Variants in TMEM161B observed in about 807,000 individuals in gnomAD.
TMEM161B encodes transmembrane protein 161B.
Under a neutral mutation model 61.8 loss-of-function variants are expected in TMEM161B, and 34 were observed. The ratio of observed to expected loss-of-function variants is 0.55; its 90% CI spans 0.42 to 0.73. TMEM161B has a LOEUF of 0.73. TMEM161B is among the 30% of genes least tolerant of loss of function. TMEM161B has a pLI of 0.00. For missense variants in TMEM161B, 456 were observed against 558.5 expected, an observed-to-expected ratio of 0.82 and a Z score of 1.85; for synonymous variants, 167 against 192.8, an observed-to-expected ratio of 0.87 and a Z score of 1.11.
intron 2 of TMEM161B, among the ~76,000 whole-genome samples, chr5:88,233,419 A>G (rs112414310): frequency 1.0e-3 from 155 of 152,318 alleles, no homozygotes; most frequent in African/African-American, 3.6e-3. Flanking sequence ...GAAAGAACAT[A>G]GGACATTACA....
At chr5:88,243,115 A>G (rs1753008026) in intron 1 of TMEM161B, among the ~76,000 whole-genome samples, 1 of 151,678 alleles carries the variant, frequency 6.6e-6, no homozygotes, top group Admixed American at 6.6e-5. Flanking sequence ...AGGTTCAGGG[A>G]TATGTGTGCA....
At chr5:88,187,004 G>C (rs1428335833), downstream of TMEM161B, among the ~76,000 whole-genome samples, 1 of 152,226 alleles carries the variant, frequency 6.6e-6, no homozygotes, top group African/African-American at 2.4e-5. Flanking sequence ...CTATGTTGTA[G>C]CTTTTACATT....
At chr5:88,236,219 T>C (rs1030313055) in intron 2 of TMEM161B, among the ~76,000 whole-genome samples, 6 of 151,926 alleles carry the variant, frequency 3.9e-5, no homozygotes, top group African/African-American at 1.5e-4. Flanking sequence ...ATATTTTCAG[T>C]GAGGGACTTA....
intron 1 of TMEM161B, among the ~76,000 whole-genome samples, chr5:88,247,062 T>C (rs1041160309): frequency 6.6e-6 from 1 of 151,948 alleles, no homozygotes; most frequent in African/African-American, 2.4e-5. Context: ...GTAACTTAGG[T>C]TTCAACCTTT....
downstream of TMEM161B, among the ~76,000 whole-genome samples, chr5:88,192,409 AAAAAT>A (rs1177858004): frequency 1.3e-5 from 2 of 152,170 alleles, no homozygotes; most frequent in African/African-American, 4.8e-5. Flanking sequence ...GGAACAAAAC[AAAAAT>A]ATGTGAAAAT....
chr5:88,240,215 C>T (rs183020322), intron 2 of TMEM161B, among the ~76,000 whole-genome samples: 69 of 151,906 alleles, frequency 4.5e-4, no homozygotes, highest in African/African-American at 1.6e-3. Flanking sequence ...CCCCTCCTTG[C>T]TAAATTAAAC....
At chr5:88,236,020 T>C (rs549344007) in intron 2 of TMEM161B, among the ~76,000 whole-genome samples, 24 of 152,184 alleles carry the variant, frequency 1.6e-4, no homozygotes, top group Non-Finnish European at 1.6e-4. Context: ...CCTTAGGTCA[T>C]AGGTCCCACC....
At chr5:88,257,089 T>C (rs1755079109) in intron 1 of TMEM161B, among the ~76,000 whole-genome samples, 1 of 152,054 alleles carries the variant, frequency 6.6e-6, no homozygotes, top group Admixed American at 6.6e-5. Context: ...GCCAACGTGG[T>C]GAAACCTCCT....
Position 88,203,032 on chromosome 5 carries a change from G to C in TMEM161B, c.844C>G (p.Leu282Val), listed in dbSNP as rs3097146. Reference sequence around the variant, plus strand: ...TTGGTGATTGGTTTTACCCAGAGCAGAACCATAAATAAAGGTGCCAAGAAG... The same window carrying C: ...TTGGTGATTGGTTTTACCCAGAGCACAACCATAAATAAAGGTGCCAAGAAG... ...INFLAPLFMV[L>V]LWVKPITKDY... Residue 282 changes from leucine to valine, a missense_variant, in exon 9 of 12, where the codon CTG becomes GTG. Physicochemically the swap from Leu to Val is conservative, Grantham distance 32. Transcript: ENST00000296595. 6.2e-7 allele frequency: 1 copy of C among 1,609,372 alleles called. No homozygotes were observed. The highest frequency in any genetic ancestry group is 1.1e-5 in the South Asian group (1 of 90,796).
chr5:88,267,092 C>T (rs1471762427), intron 1 of TMEM161B, among the ~76,000 whole-genome samples: 1 of 151,950 alleles, frequency 6.6e-6, no homozygotes, highest in African/African-American at 2.4e-5. Context: ...CTTTTCAGAC[C>T]AAAAAGTCAA....
downstream of TMEM161B, among the ~76,000 whole-genome samples, chr5:88,192,912 T>C (rs1313048564): frequency 4.6e-5 from 7 of 152,202 alleles, no homozygotes; most frequent in African/African-American, 1.7e-4. Flanking sequence ...ATAGATTTCA[T>C]AATGAATTCT....
At chr5:88,188,710 G>A (rs533264024), downstream of TMEM161B, among the ~76,000 whole-genome samples, 69 of 152,272 alleles carry the variant, frequency 4.5e-4, no homozygotes, top group African/African-American at 1.5e-3. Flanking sequence ...CAGCAGACTC[G>A]CATCTTAAGA....
chr5:88,218,221 G>T (rs1437153251), intron 5 of TMEM161B, among the ~76,000 whole-genome samples: 1 of 152,072 alleles, frequency 6.6e-6, no homozygotes, highest in Non-Finnish European at 1.5e-5. Context: ...AAGCATTCCA[G>T]AAAGAGAGAA....
At chr5:88,189,443 G>T (rs1437950306), downstream of TMEM161B, among the ~76,000 whole-genome samples, 3 of 152,104 alleles carry the variant, frequency 2.0e-5, no homozygotes, top group African/African-American at 7.2e-5. Flanking sequence ...GGTGCTGCAG[G>T]TTTTACATGG....
intron 9 of TMEM161B, 109 bp from the exon 10 acceptor site, chr5:88,199,259 C>A: frequency 4.9e-6 from 5 of 1,026,708 alleles, no homozygotes; most frequent in Non-Finnish European, 6.9e-6. Context: ...TACTTCGCAA[C>A]AGTTAGACAC....
intron 2 of TMEM161B, among the ~76,000 whole-genome samples, chr5:88,228,912 C>T (rs964655575): frequency 2.6e-5 from 4 of 152,166 alleles, no homozygotes; most frequent in African/African-American, 9.7e-5. Context: ...TGAGAGTTAT[C>T]TTAAAAAGAG....
intron 5 of TMEM161B, among the ~76,000 whole-genome samples, chr5:88,208,110 G>A (rs779494065): frequency 6.6e-6 from 1 of 152,192 alleles, no homozygotes; most frequent in Non-Finnish European, 1.5e-5. Context: ...AGCACTTTGG[G>A]AGGTCTAAGC....
chr5:88,189,138 G>A (rs1416696387), downstream of TMEM161B, among the ~76,000 whole-genome samples: 1 of 152,012 alleles, frequency 6.6e-6, no homozygotes, highest in Non-Finnish European at 1.5e-5. Flanking sequence ...ACATCAGTCT[G>A]GTCACTTCCT....
At position 88,205,868 on chromosome 5, in the gene TMEM161B, C is replaced by T. The variant is rs150637225; in HGVS notation, c.746G>A (p.Arg249Gln). Residue 249 changes from arginine to glutamine, a missense_variant, in exon 8 of 12, where the codon CGA becomes CAA. Physicochemically the swap from Arg to Gln is conservative, Grantham distance 43. Coordinates refer to ENST00000296595, the MANE Select transcript of TMEM161B (RefSeq NM_153354.5). ...GGCATCCAGATGCATTTGAGCCAGT[C>T]GTAATCCAGGAAATGTCAAAAAAGC... ...IGAFLTFPGL[R>Q]LAQMHLDALN... 2 of 1,612,638 alleles carry T rather than the reference C, an allele frequency of 1.2e-6. No individual in the cohort carries two copies. The highest frequency in any genetic ancestry group is 1.7e-6 in the Non-Finnish European group (2 of 1,179,290).
Sources: gnomAD v4.1 joint callset for allele counts (sites outside exome capture counted in the v4.1 genomes callset) on GRCh38, gnomAD v4.1.1 for gene constraint, MANE v1.5 for transcripts, NCBI Gene and HGNC (gene_info 2026-07-23, HGNC 2026-07-21) for gene names.